Variants in MYO10 observed in about 807,000 individuals in gnomAD.
The protein encoded by MYO10 is unconventional myosin-X.
Under a neutral mutation model 257.3 loss-of-function variants are expected in MYO10, and 133 were observed. That is an observed-to-expected ratio of 0.52 (90% CI 0.45 to 0.60). The LOEUF is 0.60. Among genes scored for constraint, MYO10 ranks in the 20% least tolerant of loss-of-function variants. The probability of loss-of-function intolerance (pLI) is 0.00; values close to 1 mark genes in which losing one functional copy is unlikely to be tolerated. For missense variants in MYO10, 2,399 were observed against 2,635.7 expected (o/e 0.91, Z 1.97); for synonymous variants, 1,104 against 1,028.6 (o/e 1.07, Z -1.40).
chr5:16,789,299 CTT>C (rs948910960), intron 4 of MYO10, among the ~76,000 whole-genome samples: 3 of 152,206 alleles, frequency 2.0e-5, no homozygotes, highest in Non-Finnish European at 4.4e-5. Flanking sequence ...TTACACAAAA[CTT>C]TTTGCTGCCA....
chr5:16,928,764 G>A (rs942012829), intron 1 of MYO10, among the ~76,000 whole-genome samples: 1 of 151,136 alleles, frequency 6.6e-6, no homozygotes, highest in South Asian at 2.1e-4. Context: ...AGAATCGCTT[G>A]AACCTGGGAG....
At chr5:16,719,775 C>G (rs1034171545) in intron 19 of MYO10, among the ~76,000 whole-genome samples, 1 of 152,032 alleles carries the variant, frequency 6.6e-6, no homozygotes, top group African/African-American at 2.4e-5. Flanking sequence ...ACCAGCCTGA[C>G]CAACATGGAG....
intron 1 of MYO10, among the ~76,000 whole-genome samples, chr5:16,904,839 G>A (rs560185087): frequency 6.6e-6 from 1 of 152,208 alleles, no homozygotes; most frequent in South Asian, 2.1e-4. Context: ...TGAGGCAAGA[G>A]AATGGCGTGA....
chr5:16,772,731 AAC>A (rs1270905738), intron 9 of MYO10, among the ~76,000 whole-genome samples: 1 of 152,234 alleles, frequency 6.6e-6, no homozygotes, highest in Non-Finnish European at 1.5e-5. Context: ...TGGATAAACA[AAC>A]TGCTGTCTAT....
chr5:16,878,985 TAA>T (rs78179858), intron 1 of MYO10, among the ~76,000 whole-genome samples: 1 of 139,454 alleles, frequency 7.2e-6, no homozygotes, highest in Non-Finnish European at 1.6e-5. Flanking sequence ...TAATGAAATT[TAA>T]AAAAAAAAAA....
At chr5:16,902,354 T>C (rs1035733518) in intron 1 of MYO10, 3 of 1,184,424 alleles carry the variant, frequency 2.5e-6, no homozygotes, top group Middle Eastern at 2.7e-4. Context: ...AGGGTGGGGG[T>C]GTTCGGTCCT....
intron 35 of MYO10, 21 bp from the exon 36 acceptor site, chr5:16,673,910 G>T: frequency 6.2e-7 from 1 of 1,609,834 alleles, no homozygotes; most frequent in South Asian, 1.1e-5. Flanking sequence ...AACACTAACT[G>T]TTAATTTTTA....
intron 10 of MYO10, among the ~76,000 whole-genome samples, chr5:16,767,384 G>A (rs1385833239): frequency 1.3e-5 from 2 of 151,672 alleles, no homozygotes; most frequent in Non-Finnish European, 2.9e-5. Context: ...CGGCCTGGCT[G>A]GTCTCCAACT....
chr5:16,850,133 T>C (rs1743756153), intron 2 of MYO10, among the ~76,000 whole-genome samples: 1 of 152,238 alleles, frequency 6.6e-6, no homozygotes, highest in South Asian at 2.1e-4. Flanking sequence ...CTTCAGTGTA[T>C]TCGTATTTGT....
intron 3 of MYO10, chr5:16,814,446 C>T (rs1380127314): frequency 6.6e-6 from 1 of 152,214 alleles, no homozygotes; most frequent in African/African-American, 2.4e-5. Flanking sequence ...CTGTGCCTGG[C>T]CGTTTTGTTT....
chr5:16,826,063 G>A (rs1265069897), intron 2 of MYO10, among the ~76,000 whole-genome samples: 2 of 151,654 alleles, frequency 1.3e-5, no homozygotes, highest in African/African-American at 4.9e-5. Context: ...CAAAAGAATC[G>A]CTTGAACCCG....
chr5:16,823,785 G>GGGGGCA (rs1742915291), intron 2 of MYO10, among the ~76,000 whole-genome samples: 1 of 149,888 alleles, frequency 6.7e-6, no homozygotes, highest in South Asian at 2.1e-4. Flanking sequence ...GGCGGGGGGC[G>GGGGGCA]GGGGGCGGTT....
chr5:16,783,131 G>A (rs964992175), intron 5 of MYO10, among the ~76,000 whole-genome samples: 2 of 152,204 alleles, frequency 1.3e-5, no homozygotes, highest in African/African-American at 4.8e-5. Flanking sequence ...CTGGCCTGAC[G>A]ATGAAGGGGC....
chr5:16,931,130 G>A (rs1036616518), intron 1 of MYO10, among the ~76,000 whole-genome samples: 7 of 152,078 alleles, frequency 4.6e-5, no homozygotes, highest in African/African-American at 1.7e-4. Flanking sequence ...AATTAGCTGG[G>A]TGTGGTGGTG....
chr5:16,826,760 T>C (rs542504672), intron 2 of MYO10, among the ~76,000 whole-genome samples: 1 of 152,358 alleles, frequency 6.6e-6, no homozygotes, highest in East Asian at 1.9e-4. Flanking sequence ...ACGTTGTTTC[T>C]GGGGATGTCG....
intron 9 of MYO10, among the ~76,000 whole-genome samples, chr5:16,770,746 C>A (rs887952550): frequency 2.6e-5 from 4 of 152,162 alleles, no homozygotes; most frequent in Non-Finnish European, 5.9e-5. Flanking sequence ...TTTAACACTG[C>A]GAAAAGTTCA....
intron 19 of MYO10, among the ~76,000 whole-genome samples, chr5:16,746,478 G>A (rs1740200207): frequency 1.3e-5 from 2 of 152,160 alleles, no homozygotes; most frequent in Non-Finnish European, 2.9e-5. Context: ...CACCCAAGCA[G>A]CCACCATGCT....
chr5:16,845,835 G>A lies in MYO10; in HGVS notation c.121-27668C>T, dbSNP rs917240189. 3.0e-4 allele frequency among the ~76,000 whole-genome samples: 45 copies of A among 151,798 alleles called. 1 individual carries two copies. Among genetic ancestry groups the A allele is most frequent in the African/African-American group, 9.4e-4 (39 of 41,306 alleles). On this transcript the variant is annotated intron_variant, in intron 2 of 40. Coordinates refer to ENST00000513610, the MANE Select transcript of MYO10 (RefSeq NM_012334.3). Reference sequence around the variant, plus strand: ...AAAAATTAGCTGGGCGTGGTGGCACGCACCTGTAGTCCCAGCTACTCGGGA... The same window carrying A: ...AAAAATTAGCTGGGCGTGGTGGCACACACCTGTAGTCCCAGCTACTCGGGA...
intron 9 of MYO10, among the ~76,000 whole-genome samples, chr5:16,778,982 G>A (rs771029994): frequency 5.3e-5 from 8 of 152,044 alleles, no homozygotes; most frequent in Admixed American, 1.3e-4. Flanking sequence ...GAGCCACCGC[G>A]CCTGGCCATC....
Sources: allele counts gnomAD v4.1 joint callset (sites outside exome capture counted in the v4.1 genomes callset), GRCh38; gene constraint gnomAD v4.1.1; transcripts MANE v1.5; gene names NCBI Gene and HGNC (gene_info 2026-07-23, HGNC 2026-07-21).